The following EHMT1 variants were observed in gnomAD, a reference collection of about 807,000 sequenced individuals.
EHMT1 encodes the protein euchromatic histone lysine methyltransferase 1, also known as histone-lysine N-methyltransferase EHMT1.
Under a neutral mutation model 147.2 loss-of-function variants are expected in EHMT1, and 15 were observed. The observed-to-expected ratio is 0.10, with a 90% CI of 0.07 to 0.16. EHMT1 has a LOEUF of 0.16. EHMT1 is among the 10% of genes least tolerant of loss of function. The pLI, the probability that EHMT1 is intolerant of heterozygous loss-of-function variation, is 1.00. For synonymous variants in EHMT1, 795 were observed against 709.6 expected, an observed-to-expected ratio of 1.12 and a Z score of -1.91; for missense variants, 1,587 against 1,772.4, an observed-to-expected ratio of 0.90 and a Z score of 1.88.
chr9:137,752,866 G>T (rs1394082513), intron 7 of EHMT1, among the ~76,000 whole-genome samples: 1 of 152,156 alleles, frequency 6.6e-6, no homozygotes, highest in Non-Finnish European at 1.5e-5. Context: ...ATCGGCTGAC[G>T]TGCGAGAAGG....
chr9:137,639,840 G>T (rs1368174546), intron 1 of EHMT1, among the ~76,000 whole-genome samples: 2 of 152,178 alleles, frequency 1.3e-5, no homozygotes, highest in Non-Finnish European at 2.9e-5. Flanking sequence ...GATGTCTGTT[G>T]TACCTCCCCA....
chr9:137,751,396 T>C (rs1564691149), intron 6 of EHMT1, among the ~76,000 whole-genome samples: 1 of 152,202 alleles, frequency 6.6e-6, no homozygotes, highest in Non-Finnish European at 1.5e-5. Flanking sequence ...CCTCAAGCAG[T>C]CCACTCGCCT....
chr9:137,713,055 T>A (rs1240221035), intron 2 of EHMT1, among the ~76,000 whole-genome samples: 1 of 152,160 alleles, frequency 6.6e-6, no homozygotes, highest in Admixed American at 6.5e-5. Flanking sequence ...ATTGAATTGT[T>A]CTTGCACCCT....
chr9:137,825,764 G>T (rs1353563340), intron 25 of EHMT1, among the ~76,000 whole-genome samples: 1 of 152,162 alleles, frequency 6.6e-6, no homozygotes, highest in South Asian at 2.1e-4. Context: ...TTTTGTGTGT[G>T]TGTGCCCGTG....
chr9:137,784,132 G>A (rs751608460), intron 15 of EHMT1: 8 of 1,533,412 alleles, frequency 5.2e-6, no homozygotes, highest in South Asian at 2.4e-5. Context: ...GCCCAAGGTC[G>A]AGGGGCTGCC....
chr9:137,834,750 C>T, intron 26 of EHMT1, 23 bp from the exon 27 acceptor site: 1 of 1,613,428 alleles, frequency 6.2e-7, no homozygotes, highest in Non-Finnish European at 8.5e-7. Flanking sequence ...CGACTTGGAG[C>T]CTTGGTTCTG....
intron 1 of EHMT1, among the ~76,000 whole-genome samples, chr9:137,650,332 C>T (rs567192177): frequency 1.3e-5 from 2 of 152,292 alleles, no homozygotes; most frequent in South Asian, 2.1e-4. Flanking sequence ...CTCCTGGGCT[C>T]AAGCGATCTG....
chr9:137,803,376 A>G (rs2137445852), intron 18 of EHMT1: 2 of 890,432 alleles, frequency 2.2e-6, no homozygotes, highest in Admixed American at 6.2e-5. Context: ...CTTCACAGCC[A>G]TGCCCAGCCC....
chr9:137,631,573 G>A (rs1411717439), intron 1 of EHMT1, among the ~76,000 whole-genome samples: 1 of 151,978 alleles, frequency 6.6e-6, no homozygotes, highest in East Asian at 1.9e-4. Flanking sequence ...CATGAAGGTG[G>A]TCCCCTAAGA....
chr9:137,827,183 C>G (rs929119971), intron 25 of EHMT1, among the ~76,000 whole-genome samples: 2 of 152,210 alleles, frequency 1.3e-5, no homozygotes, highest in African/African-American at 2.4e-5. Context: ...CTGCCACACT[C>G]GCCTGATTCC....
intron 1 of EHMT1, among the ~76,000 whole-genome samples, chr9:137,662,556 G>A (rs1440715767): frequency 2.0e-5 from 3 of 152,042 alleles, no homozygotes; most frequent in Non-Finnish European, 4.4e-5. Context: ...CTGTAGTGTA[G>A]TGGCATGATC....
intron 13 of EHMT1, among the ~76,000 whole-genome samples, chr9:137,779,360 C>G (rs1282975164): frequency 6.6e-6 from 1 of 152,232 alleles, no homozygotes; most frequent in African/African-American, 2.4e-5. Context: ...GTAAAAGCCT[C>G]ACAGTGCGTA....
chr9:137,772,111 C>G (rs1950624419), intron 10 of EHMT1, among the ~76,000 whole-genome samples: 1 of 152,062 alleles, frequency 6.6e-6, no homozygotes, highest in African/African-American at 2.4e-5. Flanking sequence ...GATAATGGTT[C>G]TAAGGTTATA....
chr9:137,690,192 C>T (rs914902523), intron 1 of EHMT1, among the ~76,000 whole-genome samples: 3 of 151,972 alleles, frequency 2.0e-5, no homozygotes, highest in Non-Finnish European at 4.4e-5. Context: ...ATTTTGAAGG[C>T]GGAGACTAGA....
chr9:137,647,334 G>A (rs1044536287), intron 1 of EHMT1, among the ~76,000 whole-genome samples: 2 of 152,254 alleles, frequency 1.3e-5, no homozygotes, highest in African/African-American at 4.8e-5. Context: ...GGCACCTTCT[G>A]CCCAGCATGA....
intron 17 of EHMT1, chr9:137,800,641 C>G: frequency 5.3e-6 from 3 of 570,280 alleles, no homozygotes; most frequent in Non-Finnish European, 6.3e-6. Flanking sequence ...GCATGTCGGG[C>G]AGGGTTGTTG....
chr9:137,702,942 TG>T (rs1943960331), intron 1 of EHMT1, among the ~76,000 whole-genome samples: 4 of 152,340 alleles, frequency 2.6e-5, no homozygotes, highest in Admixed American at 2.0e-4. Context: ...GATGTATGGA[TG>T]ATATCCATAC....
At chr9:137,672,474 G>T (rs1940788115) in intron 1 of EHMT1, among the ~76,000 whole-genome samples, 1 of 152,196 alleles carries the variant, frequency 6.6e-6, no homozygotes, top group African/African-American at 2.4e-5. Context: ...TTGTACAGGA[G>T]GTTTTGACAT....
chr9:137,683,181 A>G (rs1310947473), intron 1 of EHMT1, among the ~76,000 whole-genome samples: 1 of 152,252 alleles, frequency 6.6e-6, no homozygotes, highest in Admixed American at 6.5e-5. Context: ...TAAAGCTGCT[A>G]CTATGGGATA....
Sources: gnomAD v4.1 joint callset for allele counts (sites outside exome capture counted in the v4.1 genomes callset) on GRCh38, gnomAD v4.1.1 for gene constraint, MANE v1.5 for transcripts, NCBI Gene and HGNC (gene_info 2026-07-23, HGNC 2026-07-21) for gene names.